Variants in PHF24 observed in about 807,000 individuals in gnomAD.
The protein encoded by PHF24 is Galpha inhibitory interacting protein.
In PHF24, 25 loss-of-function variants were observed where a neutral mutation model predicts 42.6. That is an observed-to-expected ratio of 0.59 (90% CI 0.43 to 0.82). The LOEUF (loss-of-function observed/expected upper bound fraction) is 0.82. PHF24 is among the 40% of genes least tolerant of loss of function. The pLI is 0.00. For synonymous variants in PHF24, 185 were observed against 204.8 expected, an observed-to-expected ratio of 0.90 and a Z score of 0.83; for missense variants, 470 against 538.1, an observed-to-expected ratio of 0.87 and a Z score of 1.25.
the PHF24 span, among the ~76,000 whole-genome samples, chr9:34,823,760 G>A: frequency 6.6e-6 from 1 of 152,200 alleles, no homozygotes; most frequent in Non-Finnish European, 1.5e-5. Context: ...ACTCTGGTCT[G>A]TGGGCGAACC....
the PHF24 span, among the ~76,000 whole-genome samples, chr9:34,821,148 G>A: frequency 6.6e-6 from 1 of 152,046 alleles, no homozygotes; most frequent in Non-Finnish European, 1.5e-5. Flanking sequence ...CTCTTATTAG[G>A]ATTTTTAGAA....
At chr9:34,758,964 C>T in the PHF24 span, among the ~76,000 whole-genome samples, 1 of 152,104 alleles carries the variant, frequency 6.6e-6, no homozygotes, top group Non-Finnish European at 1.5e-5. The surrounding 1 kb of genome is among the most constrained non-coding windows in gnomAD (Gnocchi z 4.4). Context: ...GGTGCCTCCT[C>T]ACTGCTCCCG....
chr9:34,826,822 C>G, the PHF24 span, among the ~76,000 whole-genome samples: 1 of 152,178 alleles, frequency 6.6e-6, no homozygotes, highest in Admixed American at 6.5e-5. Flanking sequence ...GCATCTACCC[C>G]CAAACCTGAA....
chr9:34,758,600 G>A, the PHF24 span, among the ~76,000 whole-genome samples: 1 of 152,128 alleles, frequency 6.6e-6, no homozygotes, highest in Non-Finnish European at 1.5e-5. This position sits in a 1 kb window ranked among gnomAD's most constrained non-coding sequence, Gnocchi z 4.4. Context: ...ACAGTGCTGG[G>A]GAGGTGCAGT....
chr9:34,744,983 T>C, the PHF24 span, among the ~76,000 whole-genome samples: 1 of 152,186 alleles, frequency 6.6e-6, no homozygotes, highest in Admixed American at 6.5e-5. Flanking sequence ...AGGAATATTT[T>C]AGCACAGAAT....
the PHF24 span, among the ~76,000 whole-genome samples, chr9:34,739,786 C>T: frequency 1.3e-4 from 20 of 152,092 alleles, no homozygotes; most frequent in African/African-American, 4.3e-4. Flanking sequence ...AGCGTGTTGC[C>T]GCTGCTGGCT....
the PHF24 span, among the ~76,000 whole-genome samples, chr9:34,785,462 A>T: frequency 6.6e-6 from 1 of 152,242 alleles, no homozygotes. Context: ...CACATTTTAG[A>T]CTACCAAAGT....
chr9:34,729,558 G>A, the PHF24 span: 1 of 868,706 alleles, frequency 1.2e-6, no homozygotes, highest in Admixed American at 2.9e-5. Flanking sequence ...CCACCAGACT[G>A]CATCACAAAG....
chr9:34,811,747 T>C, the PHF24 span, among the ~76,000 whole-genome samples: 1 of 152,132 alleles, frequency 6.6e-6, no homozygotes, highest in Non-Finnish European at 1.5e-5. Flanking sequence ...GGCAATAATT[T>C]CTTAGATTTT....
At chr9:34,791,455 G>A in the PHF24 span, among the ~76,000 whole-genome samples, 1 of 152,090 alleles carries the variant, frequency 6.6e-6, no homozygotes, top group Non-Finnish European at 1.5e-5. Flanking sequence ...TGATTAAGTA[G>A]TTGCATATAT....
the PHF24 span, among the ~76,000 whole-genome samples, chr9:34,737,856 C>T: frequency 5.3e-5 from 8 of 152,118 alleles, no homozygotes; most frequent in Non-Finnish European, 8.8e-5. Flanking sequence ...GTGTCTGTTT[C>T]CTCTCCTCTT....
At chr9:34,815,385 C>G in the PHF24 span, among the ~76,000 whole-genome samples, 7 of 152,158 alleles carry the variant, frequency 4.6e-5, no homozygotes, top group Admixed American at 3.9e-4. Flanking sequence ...TGCAGTGGCG[C>G]TATCTTGGCT....
Position 34,972,570 on chromosome 9 carries a change from T to G in PHF24, c.564+39T>G, listed in dbSNP as rs1435153997. On this transcript the variant is annotated intron_variant, in intron 3 of 7. Transcript: ENST00000242315. ...GCAGGGACAGCAGAGGACTTGGCAC[T>G]TTTCCTGGAGGCCCGGTCTTAGAAC... The G allele has an allele frequency of 4.5e-6, 7 of 1,538,750 alleles. No individual in the cohort carries two copies. The African/African-American group carries it at 8.3e-5, about 18-fold the overall frequency.
the PHF24 span, among the ~76,000 whole-genome samples, chr9:34,832,097 GAGC>G: frequency 6.6e-6 from 1 of 152,106 alleles, no homozygotes; most frequent in Admixed American, 6.5e-5. Flanking sequence ...TGGAGATAAG[GAGC>G]AGATGGGCAA....
chr9:34,850,455 G>C, the PHF24 span, among the ~76,000 whole-genome samples: 2,372 of 152,216 alleles, frequency 0.016, 60 homozygotes, highest in African/African-American at 0.054. Flanking sequence ...AGCTCCATCA[G>C]CTCCTTTAAG....
chr9:34,669,924 T>C, the PHF24 span, among the ~76,000 whole-genome samples: 3 of 152,148 alleles, frequency 2.0e-5, no homozygotes, highest in South Asian at 6.2e-4. Context: ...AGTTGAGACT[T>C]TGGGCCAGGC....
chr9:34,725,736 A>C, the PHF24 span: 31 of 1,548,720 alleles, frequency 2.0e-5, no homozygotes, highest in Non-Finnish European at 2.7e-5. Flanking sequence ...TGATGGTCAG[A>C]TGGAGACATC....
chr9:34,937,392 G>A, the PHF24 span, among the ~76,000 whole-genome samples: 2 of 152,198 alleles, frequency 1.3e-5, no homozygotes, highest in South Asian at 2.1e-4. Flanking sequence ...GTCCACTCAG[G>A]GTTGAATGGA....
At chr9:34,838,729 C>T in the PHF24 span, 1 of 329,908 alleles carries the variant, frequency 3.0e-6, no homozygotes, top group Non-Finnish European at 5.6e-6. Flanking sequence ...GAAGGTGCCA[C>T]AAGCAGTGTC....
Sources: gnomAD v4.1 joint callset for allele counts (sites outside exome capture counted in the v4.1 genomes callset) on GRCh38, gnomAD v4.1.1 for gene constraint, Gnocchi (gnomAD v3.1) non-coding constraint, MANE v1.5 for transcripts, NCBI Gene and HGNC (gene_info 2026-07-23, HGNC 2026-07-21) for gene names.